Variants in SCHIP1 observed in about 807,000 individuals in gnomAD.
SCHIP1 encodes the protein schwannomin-interacting protein 1.
Under a neutral mutation model 29.7 loss-of-function variants are expected in SCHIP1, and 8 were observed. The observed-to-expected ratio is 0.27, with a 90% CI of 0.16 to 0.49. The LOEUF is 0.49. SCHIP1 is among the 20% of genes least tolerant of loss of function. SCHIP1 has a pLI of 0.99. For missense variants in SCHIP1, 193 were observed against 294.6 expected (o/e 0.66, Z 2.52); for synonymous variants, 76 against 94.9 (o/e 0.80, Z 1.16).
the SCHIP1 span, among the ~76,000 whole-genome samples, chr3:159,613,508 A>G: frequency 1.3e-5 from 2 of 152,242 alleles, no homozygotes; most frequent in Admixed American, 1.3e-4. Flanking sequence ...AACTTCAAAC[A>G]TTGTTTAAAA....
the SCHIP1 span, among the ~76,000 whole-genome samples, chr3:159,465,016 A>T: frequency 6.6e-6 from 1 of 152,134 alleles, no homozygotes; most frequent in Admixed American, 6.6e-5. Context: ...TCCTTCCTGC[A>T]TGAAAGCAGT....
intron 1 of SCHIP1, among the ~76,000 whole-genome samples, chr3:159,865,780 A>C (rs1294401507): frequency 6.6e-6 from 1 of 152,250 alleles, no homozygotes; most frequent in Non-Finnish European, 1.5e-5. Context: ...AGAAGACAAG[A>C]TCAGGGAAAG....
chr3:159,398,610 A>G, the SCHIP1 span, among the ~76,000 whole-genome samples: 2 of 152,130 alleles, frequency 1.3e-5, no homozygotes, highest in Admixed American at 1.3e-4. Flanking sequence ...TTTGCAGGTG[A>G]TTTGATCTCA....
the SCHIP1 span, among the ~76,000 whole-genome samples, chr3:159,334,094 A>G: frequency 3.2e-4 from 49 of 152,198 alleles, no homozygotes; most frequent in Non-Finnish European, 5.6e-4. Flanking sequence ...ACAAAACAAT[A>G]TTACATACCC....
the SCHIP1 span, among the ~76,000 whole-genome samples, chr3:159,368,392 T>C: frequency 7.3e-4 from 111 of 152,332 alleles, 2 homozygotes; most frequent in South Asian, 0.022. Context: ...CATCTAGCCA[T>C]ACTAACTTTT....
the SCHIP1 span, among the ~76,000 whole-genome samples, chr3:159,366,692 T>C: frequency 4.3e-4 from 66 of 152,292 alleles, 1 homozygote; most frequent in East Asian, 0.012. Flanking sequence ...AACACTGGAT[T>C]TGGAGTTAAG....
the SCHIP1 span, among the ~76,000 whole-genome samples, chr3:159,468,737 A>ATAATATAATATATATATATATATATAT: frequency 2.3e-5 from 3 of 132,996 alleles, no homozygotes; most frequent in Non-Finnish European, 4.9e-5. Context: ...TATATAATAT[A>ATAATATAATATATATATATATATATAT]ATATATAATA....
At chr3:159,383,920 G>A in the SCHIP1 span, among the ~76,000 whole-genome samples, 2 of 151,520 alleles carry the variant, frequency 1.3e-5, no homozygotes, top group Admixed American at 6.6e-5. Context: ...GTCTGTGATT[G>A]GTGTATAAGA....
chr3:159,746,794 C>T, the SCHIP1 span, among the ~76,000 whole-genome samples: 1 of 152,212 alleles, frequency 6.6e-6, no homozygotes, highest in South Asian at 2.1e-4. Flanking sequence ...TTTCTTACAT[C>T]TCCAAGCTTT....
chr3:159,588,843 C>A, the SCHIP1 span, among the ~76,000 whole-genome samples: 1 of 152,142 alleles, frequency 6.6e-6, no homozygotes, highest in South Asian at 2.1e-4. Context: ...GGTACCAGTA[C>A]CATGCTGTTT....
At chr3:159,765,205 G>A in the SCHIP1 span, 4 of 1,454,358 alleles carry the variant, frequency 2.8e-6, no homozygotes, top group South Asian at 2.7e-5. Context: ...CAGCCCGCAC[G>A]CCCCCTCCCT....
At chr3:159,656,468 TAGTC>T in the SCHIP1 span, among the ~76,000 whole-genome samples, 1 of 152,156 alleles carries the variant, frequency 6.6e-6, no homozygotes, top group Admixed American at 6.5e-5. Flanking sequence ...CTTCTCCTGT[TAGTC>T]AGTTGCCAGG....
At chr3:159,417,140 T>G in the SCHIP1 span, among the ~76,000 whole-genome samples, 1 of 152,214 alleles carries the variant, frequency 6.6e-6, no homozygotes, top group Non-Finnish European at 1.5e-5. Context: ...TTGGTTCACT[T>G]CACTTGGCAG....
chr3:159,533,937 C>G, the SCHIP1 span, among the ~76,000 whole-genome samples: 1 of 152,158 alleles, frequency 6.6e-6, no homozygotes, highest in African/African-American at 2.4e-5. Flanking sequence ...AGCAATAGTG[C>G]TAAGCCTGGA....
chr3:159,377,713 T>C, the SCHIP1 span, among the ~76,000 whole-genome samples: 1 of 152,268 alleles, frequency 6.6e-6, no homozygotes, highest in Non-Finnish European at 1.5e-5. Flanking sequence ...TTCATATTTT[T>C]ATCTCTTCAT....
chr3:159,478,018 G>A, the SCHIP1 span, among the ~76,000 whole-genome samples: 4 of 150,916 alleles, frequency 2.7e-5, no homozygotes, highest in Non-Finnish European at 5.9e-5. Flanking sequence ...CATCTCCTGG[G>A]TTCAAGTGAT....
chr3:159,850,861 C>T (rs1455582163), intron 1 of SCHIP1, among the ~76,000 whole-genome samples: 1 of 152,176 alleles, frequency 6.6e-6, no homozygotes. Flanking sequence ...TCACCTCACA[C>T]CAGGCCCTAC....
At chr3:159,319,710 A>G in the SCHIP1 span, among the ~76,000 whole-genome samples, 3,446 of 152,240 alleles carry the variant, frequency 0.023, 119 homozygotes, top group African/African-American at 0.079. Flanking sequence ...ATTTGCTTTG[A>G]AATTTGTTGC....
chr3:159,710,479 A>G, the SCHIP1 span, among the ~76,000 whole-genome samples: 1 of 152,194 alleles, frequency 6.6e-6, no homozygotes, highest in African/African-American at 2.4e-5. Context: ...TCTATTGCAC[A>G]AGGTAACTAT....
Sources: allele counts gnomAD v4.1 joint callset (sites outside exome capture counted in the v4.1 genomes callset), GRCh38; gene constraint gnomAD v4.1.1; transcripts MANE v1.5; gene names NCBI Gene and HGNC (gene_info 2026-07-23, HGNC 2026-07-21).